GATA6: variants seen among roughly 807,000 people sequenced by gnomAD.
The protein encoded by GATA6 is GATA binding protein 6.
In GATA6, 11 loss-of-function variants were observed where a neutral mutation model predicts 48.1. The observed-to-expected ratio is 0.23, with a 90% CI of 0.14 to 0.38. The LOEUF (loss-of-function observed/expected upper bound fraction) is 0.38. Ranked by LOEUF, GATA6 falls within the 10% of genes least tolerant of loss-of-function variation. The pLI is 1.00. For missense variants in GATA6, 795 were observed against 850.3 expected, an observed-to-expected ratio of 0.93 and a Z score of 0.81; for synonymous variants, 419 against 396.1, an observed-to-expected ratio of 1.06 and a Z score of -0.69.
intron 6 of GATA6, among the ~76,000 whole-genome samples, chr18:22,192,832 G>A (rs1053561565): frequency 9.8e-5 from 15 of 152,326 alleles, no homozygotes; most frequent in African/African-American, 2.9e-4. Context: ...TTGTACATGA[G>A]TATTTTGGTG....
chr18:22,195,042 T>A (rs2033373649), intron 6 of GATA6, among the ~76,000 whole-genome samples: 1 of 151,482 alleles, frequency 6.6e-6, no homozygotes, highest in Non-Finnish European at 1.5e-5. Flanking sequence ...GGTGGGCGCC[T>A]GTAATCCCAG....
Position 22,201,745 on chromosome 18 carries a change from C to T in GATA6, c.*922C>T, listed in dbSNP as rs1439086409. On this transcript the variant is annotated 3_prime_UTR_variant, in exon 7 of 7. Transcript: ENST00000269216. The stretch of plus-strand genomic sequence containing the variant: ...ATTTTTATACAAGAACACCAATATA[C>T]CCCCTTTATTTTACTGTGGAATATG... 1.3e-5 allele frequency: 2 copies of T among 152,586 alleles called. No individual in the cohort carries two copies. Among genetic ancestry groups the T allele is most frequent in the Non-Finnish European group, 2.9e-5 (2 of 68,024 alleles). 9.5% of individuals were successfully genotyped at this position (152,586 alleles called of 1,614,324 possible).
Position 22,200,852 on chromosome 18 carries a change from T to C in GATA6, c.*29T>C, listed in dbSNP as rs551874745. ...CACGCCGCCAGGAGGCAGGGAGGGC[T>C]CCGCCGCGGGCCTCACTCCACTCGT... is the stretch of plus-strand genomic sequence containing the variant. On this transcript the variant is annotated 3_prime_UTR_variant, in exon 7 of 7. Coordinates refer to ENST00000269216, the MANE Select transcript of GATA6 (RefSeq NM_005257.6). 7 of 1,588,344 alleles carry C rather than the reference T, an allele frequency of 4.4e-6. No individual in the cohort carries two copies. The South Asian group carries it at 4.5e-5, about 10-fold the overall frequency.
chr18:22,185,964 C>G lies in GATA6; in HGVS notation c.1620+2921C>G, dbSNP rs1790812608. Reference sequence around the variant, plus strand: ...GTGTTGACAAAGGTGTGTCATTTTCCCATTTTGGTCACAGTGCATAATGTT... The same window carrying G: ...GTGTTGACAAAGGTGTGTCATTTTCGCATTTTGGTCACAGTGCATAATGTT... On this transcript the variant is annotated intron_variant, in intron 6 of 6. Coordinates refer to ENST00000269216, the MANE Select transcript of GATA6 (RefSeq NM_005257.6). This position sits in a 1 kb window ranked among gnomAD's most constrained non-coding sequence, Gnocchi z 4.3. Among the ~76,000 whole-genome samples the G allele has an allele frequency of 6.6e-6, 1 of 152,086 alleles. No individual in the cohort carries two copies. Among genetic ancestry groups the G allele is most frequent in the African/African-American group, 2.4e-5 (1 of 41,406 alleles).
chr18:22,197,877 G>A (rs142907786), intron 6 of GATA6, among the ~76,000 whole-genome samples: 3,703 of 152,012 alleles, frequency 0.024, 90 homozygotes, highest in South Asian at 0.076. Flanking sequence ...CTGACTCTTG[G>A]TCTACCTTCC....
At chr18:22,189,571 T>C (rs1164938938) in intron 6 of GATA6, among the ~76,000 whole-genome samples, 2 of 152,194 alleles carry the variant, frequency 1.3e-5, no homozygotes, top group South Asian at 2.1e-4. Context: ...GAAGGACTTA[T>C]GCTGTGCTTA....
intron 6 of GATA6, among the ~76,000 whole-genome samples, chr18:22,193,938 C>T (rs2033357906): frequency 6.6e-6 from 1 of 152,124 alleles, no homozygotes; most frequent in Admixed American, 6.5e-5. Flanking sequence ...GTCTCTTGCC[C>T]TCCCCATTAT....
rs960525879 is a variant in GATA6 at position 22,170,535 on chromosome 18, A to T, written c.-37-573A>T. Among the ~76,000 whole-genome samples the T allele has an allele frequency of 2.6e-5, 4 of 152,176 alleles. No homozygotes were observed. The highest frequency in any genetic ancestry group is 5.9e-5 in the Non-Finnish European group (4 of 68,030). ...TCGGGCTGGTCAGCGCAGTCCGGGA[A>T]GCTCTGGGAGAGCCAATATAGGAGA... On this transcript the variant is annotated intron_variant, in intron 1 of 6. Transcript: ENST00000269216. This position sits in a 1 kb window ranked among gnomAD's most constrained non-coding sequence, Gnocchi z 6.7.
intron 3 of GATA6, chr18:22,180,242 A>G (rs1463137740): frequency 6.6e-6 from 1 of 151,976 alleles, no homozygotes; most frequent in Non-Finnish European, 1.5e-5. Context: ...AACTGAAGCT[A>G]TGTCACAATT....
chr18:22,190,510 T>C (rs1242822520), intron 6 of GATA6, among the ~76,000 whole-genome samples: 2 of 152,204 alleles, frequency 1.3e-5, no homozygotes, highest in Admixed American at 6.5e-5. Context: ...GCCTGTTTTT[T>C]TTTTCAGTCT....
intron 6 of GATA6, among the ~76,000 whole-genome samples, chr18:22,195,229 A>C (rs990362993): frequency 1.3e-5 from 2 of 152,300 alleles, no homozygotes; most frequent in African/African-American, 4.8e-5. Context: ...ACTTGTATAG[A>C]ACTGTGAGAT....
chr18:22,198,064 CTCTTTCTT>C (rs10561604), intron 6 of GATA6, among the ~76,000 whole-genome samples: 3 of 147,400 alleles, frequency 2.0e-5, no homozygotes, highest in African/African-American at 7.6e-5. Flanking sequence ...TTTTTTTCTT[CTCTTTCTT>C]TCTTTTTTTT....
chr18:22,183,589 CCTT>C (rs933771393), intron 6 of GATA6, among the ~76,000 whole-genome samples: 1 of 152,146 alleles, frequency 6.6e-6, no homozygotes, highest in Non-Finnish European at 1.5e-5. Flanking sequence ...GGAGAGCTTG[CCTT>C]CTTCTAATGT....
At chr18:22,187,759 A>G (rs1021462140) in intron 6 of GATA6, among the ~76,000 whole-genome samples, 10 of 152,142 alleles carry the variant, frequency 6.6e-5, no homozygotes, top group African/African-American at 2.4e-4. Flanking sequence ...TTTATAGATA[A>G]AAAGTTTTTT....
Position 22,181,806 on chromosome 18 carries a change from C to G in GATA6, c.1428+228C>G, listed in dbSNP as rs148887935. Among the ~76,000 whole-genome samples, 251 of 152,094 alleles carry G rather than the reference C, an allele frequency of 1.7e-3. 3 individuals are homozygous for G. The highest frequency in any genetic ancestry group is 5.9e-3 in the African/African-American group (243 of 41,492). Reference sequence around the variant, plus strand: ...TATTACCTTATGCACCAGTAGGAAACAAAAAATGCTACCAGTTGAACTATT... The same window carrying G: ...TATTACCTTATGCACCAGTAGGAAAGAAAAAATGCTACCAGTTGAACTATT... On this transcript the variant is annotated intron_variant, in intron 4 of 6. Transcript: ENST00000269216.
In GATA6 at chr18:22,177,183, G is replaced by T. The variant is rs2033133843; in HGVS notation, c.1302+62G>T. On this transcript the variant is annotated intron_variant, in intron 3 of 6. Transcript: ENST00000269216. The stretch of plus-strand genomic sequence containing the variant: ...GCCCCGGGCTCTCCTGGCCCGGCCG[G>T]CCCCGCCCTGGCTCGGCCTGCCTTG... The T allele has an allele frequency of 9.7e-6, 14 of 1,443,312 alleles. No homozygotes were observed. The South Asian group carries it at 1.7e-4, about 17-fold the overall frequency. 89.4% of individuals were successfully genotyped at this position (1,443,312 alleles called of 1,614,324 possible).
chr18:22,185,772 C>T lies in GATA6; in HGVS notation c.1620+2729C>T, dbSNP rs140522557. Among the ~76,000 whole-genome samples the T allele has an allele frequency of 5.2e-3, 796 of 152,256 alleles. 2 individuals carry two copies. The highest frequency in any genetic ancestry group is 7.5e-3 in the Admixed American group (115 of 15,298). The stretch of plus-strand genomic sequence containing the variant: ...TGGTGTCCCCAGGTTGTTTTCATGG[C>T]GTGCCTGCGTATAACTGTGGATCCC... On this transcript the variant is annotated intron_variant, in intron 6 of 6. Coordinates refer to ENST00000269216, the MANE Select transcript of GATA6 (RefSeq NM_005257.6). This position sits in a 1 kb window ranked among gnomAD's most constrained non-coding sequence, Gnocchi z 4.3.
chr18:22,171,045 C>A lies in GATA6; in HGVS notation c.-37-63C>A. The stretch of plus-strand genomic sequence containing the variant: ...AAAGGAGTGGAGGCGAGGTAGCGTG[C>A]AGCCTACGCTCTTGTTAACCCGTCG... On this transcript the variant is annotated intron_variant, in intron 1 of 6. Coordinates refer to ENST00000269216, the MANE Select transcript of GATA6 (RefSeq NM_005257.6). This position sits in a 1 kb window ranked among gnomAD's most constrained non-coding sequence, Gnocchi z 7.1. 1.0e-6 allele frequency: 1 copy of A among 969,550 alleles called. No individual in the cohort carries two copies. The highest frequency in any genetic ancestry group is 1.6e-6 in the Non-Finnish European group (1 of 626,248). 60.1% of individuals were successfully genotyped at this position (969,550 alleles called of 1,614,324 possible).
intron 6 of GATA6, among the ~76,000 whole-genome samples, chr18:22,197,979 C>T (rs1274971144): frequency 6.6e-6 from 1 of 151,896 alleles, no homozygotes; most frequent in Non-Finnish European, 1.5e-5. Flanking sequence ...AGCCTGGGAG[C>T]TCCTGGGGCA....
Sources: allele counts gnomAD v4.1 joint callset (sites outside exome capture counted in the v4.1 genomes callset), GRCh38; gene constraint gnomAD v4.1.1; non-coding constraint Gnocchi (gnomAD v3.1); transcripts MANE v1.5; gene names NCBI Gene and HGNC (gene_info 2026-07-23, HGNC 2026-07-21).